The following SEM1 variants were observed in gnomAD, a reference collection of about 807,000 sequenced individuals.
The protein encoded by SEM1 is SEM1 26S proteasome subunit.
SEM1 carries 3 observed loss-of-function variants against 12.7 expected under a neutral mutation model. The observed-to-expected ratio is 0.24, with a 90% CI of 0.11 to 0.61. The LOEUF is 0.61. SEM1 is among the 20% of genes least tolerant of loss of function. The probability of loss-of-function intolerance (pLI) is 0.88; values close to 1 mark genes in which losing one functional copy is unlikely to be tolerated. For synonymous variants in SEM1, 30 were observed against 27.8 expected, an observed-to-expected ratio of 1.08 and a Z score of -0.25; for missense variants, 59 against 81.3, an observed-to-expected ratio of 0.73 and a Z score of 1.06.
chr7:96,643,859 A>G (rs1397201742), intron 2 of SEM1, among the ~76,000 whole-genome samples: 1 of 152,090 alleles, frequency 6.6e-6, no homozygotes, highest in Non-Finnish European at 1.5e-5. Context: ...TTTAAGTAAG[A>G]TAAGAATAAT....
At chr7:96,538,677 T>C (rs140322033) in intron 2 of SEM1, among the ~76,000 whole-genome samples, 175 of 151,920 alleles carry the variant, frequency 1.2e-3, no homozygotes, top group African/African-American at 3.8e-3. Context: ...CATCTTACAA[T>C]ATACTCCCAT....
chr7:96,501,244 T>C (rs1234695212), upstream of SEM1, among the ~76,000 whole-genome samples: 2 of 152,112 alleles, frequency 1.3e-5, no homozygotes. Flanking sequence ...AAAGCTACGA[T>C]GACATCCAGA....
intron 2 of SEM1, among the ~76,000 whole-genome samples, chr7:96,559,002 G>T (rs1805614142): frequency 6.6e-6 from 1 of 152,126 alleles, no homozygotes; most frequent in African/African-American, 2.4e-5. Flanking sequence ...AGGATTAAAT[G>T]AGCCAGAATA....
At chr7:96,625,020 G>T (rs1231716430) in intron 2 of SEM1, among the ~76,000 whole-genome samples, 1 of 152,092 alleles carries the variant, frequency 6.6e-6, no homozygotes, top group South Asian at 2.1e-4. Flanking sequence ...AAGTGAAAAC[G>T]TTATTTATCA....
chr7:96,654,664 G>C (rs1025368936), intron 2 of SEM1, among the ~76,000 whole-genome samples: 4 of 152,296 alleles, frequency 2.6e-5, no homozygotes, highest in African/African-American at 9.6e-5. Flanking sequence ...AGGTAGGGTA[G>C]GCTAAGCTTT....
intron 1 of SEM1, among the ~76,000 whole-genome samples, chr7:96,707,135 G>C (rs975794148): frequency 1.3e-5 from 2 of 152,184 alleles, no homozygotes; most frequent in Admixed American, 6.5e-5. Context: ...AGTAGGTCTA[G>C]GTTTGAGGAA....
intron 1 of SEM1, among the ~76,000 whole-genome samples, chr7:96,698,805 G>T (rs1045780272): frequency 6.6e-6 from 1 of 152,184 alleles, no homozygotes; most frequent in Admixed American, 6.5e-5. Context: ...GGGTCAAATG[G>T]TTATTTCTAG....
intron 2 of SEM1, among the ~76,000 whole-genome samples, chr7:96,681,020 G>A (rs1352244085): frequency 6.6e-6 from 1 of 152,074 alleles, no homozygotes; most frequent in Non-Finnish European, 1.5e-5. Flanking sequence ...AGGATGAGGA[G>A]GGCAAGCATC....
chr7:96,653,425 TAAAC>T (rs1315284592), intron 2 of SEM1, among the ~76,000 whole-genome samples: 2 of 152,134 alleles, frequency 1.3e-5, no homozygotes, highest in South Asian at 2.1e-4. Flanking sequence ...ACCAGACACA[TAAAC>T]AAATAAACAT....
chr7:96,557,011 G>A (rs944801912), intron 2 of SEM1, among the ~76,000 whole-genome samples: 18 of 148,726 alleles, frequency 1.2e-4, no homozygotes, highest in South Asian at 2.2e-4. Flanking sequence ...CATTCTTCAC[G>A]TAGTTCTCGA....
At chr7:96,624,307 G>T (rs1422231306) in intron 2 of SEM1, among the ~76,000 whole-genome samples, 1 of 152,140 alleles carries the variant, frequency 6.6e-6, no homozygotes, top group East Asian at 1.9e-4. Flanking sequence ...GGAGTACATT[G>T]TATTAGTCTA....
At chr7:96,685,241 C>T (rs1188876421), downstream of SEM1, among the ~76,000 whole-genome samples, 1 of 152,084 alleles carries the variant, frequency 6.6e-6, no homozygotes, top group Non-Finnish European at 1.5e-5. Flanking sequence ...CATGCCATCC[C>T]CTACAGCAAT....
chr7:96,610,575 T>C (rs1807509831), intron 2 of SEM1, among the ~76,000 whole-genome samples: 1 of 152,210 alleles, frequency 6.6e-6, no homozygotes, highest in Admixed American at 6.5e-5. Context: ...CTTGTGTCAG[T>C]GACAATATAT....
chr7:96,628,345 G>A (rs1808138867), intron 2 of SEM1, among the ~76,000 whole-genome samples: 1 of 151,848 alleles, frequency 6.6e-6, no homozygotes, highest in African/African-American at 2.4e-5. Context: ...CTTTCTTTTA[G>A]TGAAAGTTTT....
intron 2 of SEM1, among the ~76,000 whole-genome samples, chr7:96,532,534 A>T (rs1166614113): frequency 6.6e-6 from 1 of 152,128 alleles, no homozygotes; most frequent in African/African-American, 2.4e-5. Context: ...ATTGGGGAAC[A>T]TTTAAAAATG....
Position 96,683,105 on chromosome 7 carries a change from G to A in SEM1, c.171-9246C>T, listed in dbSNP as rs373294505. 4.6e-4 allele frequency among the ~76,000 whole-genome samples: 70 copies of A among 152,152 alleles called. No individual in the cohort carries two copies. The East Asian group carries it at 5.8e-3, about 13-fold the overall frequency. ...ATAGGAACGCTTTTACACTGTTGGT[G>A]GGAATGTAAATTAGTTCAAACATTG... On this transcript the variant is annotated intron_variant, in intron 2 of 2. Transcript: ENST00000413065.
chr7:96,553,782 G>A (rs1343070562), intron 2 of SEM1, among the ~76,000 whole-genome samples: 2 of 152,062 alleles, frequency 1.3e-5, no homozygotes, highest in Non-Finnish European at 2.9e-5. Context: ...AAATTACCTT[G>A]GGCAGTATGG....
intron 2 of SEM1, among the ~76,000 whole-genome samples, chr7:96,607,513 T>C (rs2081046945): frequency 6.6e-6 from 1 of 152,222 alleles, no homozygotes; most frequent in South Asian, 2.1e-4. Flanking sequence ...TTGTGGAGTA[T>C]CTATGGAACA....
chr7:96,706,594 A>AAAAAAAAAAAAAAAG (rs1563122448), intron 1 of SEM1, among the ~76,000 whole-genome samples: 2 of 123,476 alleles, frequency 1.6e-5, no homozygotes, highest in African/African-American at 2.8e-5. Context: ...AAAAAAAAAA[A>AAAAAAAAAAAAAAAG]AGAGAGAGAG....
Sources: gnomAD v4.1 joint callset for allele counts (sites outside exome capture counted in the v4.1 genomes callset) on GRCh38, gnomAD v4.1.1 for gene constraint, MANE v1.5 for transcripts, NCBI Gene and HGNC (gene_info 2026-07-23, HGNC 2026-07-21) for gene names.